The following UNC13C variants were observed in gnomAD, a reference collection of about 807,000 sequenced individuals.
UNC13C encodes protein unc-13 homolog C.
In UNC13C, 174 loss-of-function variants were observed where a neutral mutation model predicts 245.4. The ratio of observed to expected loss-of-function variants is 0.71; its 90% confidence interval spans 0.63 to 0.80. UNC13C has a LOEUF of 0.80. Among genes scored for constraint, UNC13C ranks in the 30% least tolerant of loss-of-function variants. UNC13C has a pLI of 0.00. For missense variants in UNC13C, 2,829 were observed against 2,602.9 expected (o/e 1.09, Z -1.89); for synonymous variants, 992 against 895.1 (o/e 1.11, Z -1.93).
intron 26 of UNC13C, among the ~76,000 whole-genome samples, chr15:54,536,403 C>T (rs549206770): frequency 9.9e-5 from 15 of 151,590 alleles, no homozygotes; most frequent in African/African-American, 1.5e-4. Context: ...TTATGAGATG[C>T]GTAAAAAAGA....
chr15:54,276,778 G>C (rs1196133498), intron 10 of UNC13C, among the ~76,000 whole-genome samples: 1 of 151,826 alleles, frequency 6.6e-6, no homozygotes, highest in Non-Finnish European at 1.5e-5. Flanking sequence ...TTCCCCATTA[G>C]TCTTACGACA....
intron 19 of UNC13C, among the ~76,000 whole-genome samples, chr15:54,446,917 G>C (rs1890848084): frequency 6.6e-6 from 1 of 152,126 alleles, no homozygotes; most frequent in Non-Finnish European, 1.5e-5. Flanking sequence ...GTATGATATT[G>C]GCTGTGGGTT....
chr15:54,193,977 C>A (rs570740594), intron 4 of UNC13C, among the ~76,000 whole-genome samples: 11 of 152,070 alleles, frequency 7.2e-5, no homozygotes, highest in African/African-American at 1.9e-4. Flanking sequence ...ACTAGAGGAA[C>A]TGAAGGAAGG....
At chr15:54,440,613 A>C (rs1890469636) in intron 19 of UNC13C, among the ~76,000 whole-genome samples, 1 of 151,998 alleles carries the variant, frequency 6.6e-6, no homozygotes, top group Non-Finnish European at 1.5e-5. Flanking sequence ...TACTGGAAAA[A>C]AGATGGGGCT....
intron 2 of UNC13C, chr15:54,050,245 T>C: frequency 1.8e-6 from 1 of 541,204 alleles, no homozygotes; most frequent in Non-Finnish European, 3.7e-6. Context: ...GTTCTGGTAT[T>C]ACAGGCGTGA....
chr15:54,592,554 T>TCCC (rs1441437151), intron 30 of UNC13C, among the ~76,000 whole-genome samples: 1 of 152,172 alleles, frequency 6.6e-6, no homozygotes, highest in African/African-American at 2.4e-5. Flanking sequence ...ATACTGTCCC[T>TCCC]TTTTGTCTCT....
chr15:54,252,966 G>T (rs1243484063), intron 8 of UNC13C, among the ~76,000 whole-genome samples: 1 of 152,050 alleles, frequency 6.6e-6, no homozygotes, highest in Non-Finnish European at 1.5e-5. Context: ...CTTACTTCTG[G>T]TGAAAATATT....
the UNC13C span, among the ~76,000 whole-genome samples, chr15:53,899,203 G>A: frequency 2.6e-5 from 4 of 152,118 alleles, no homozygotes; most frequent in Admixed American, 2.6e-4. Context: ...ATCTGCCTAT[G>A]TCCACTGGAA....
At chr15:54,431,944 C>A (rs11630671) in intron 19 of UNC13C, among the ~76,000 whole-genome samples, 12,665 of 151,172 alleles carry the variant, frequency 0.084, 649 homozygotes, top group African/African-American at 0.14. Context: ...TTCTAATTAC[C>A]CTAATTTGAT....
intron 24 of UNC13C, among the ~76,000 whole-genome samples, chr15:54,517,219 T>C (rs538951652): frequency 6.6e-6 from 1 of 152,206 alleles, no homozygotes; most frequent in Non-Finnish European, 1.5e-5. Flanking sequence ...ACTGTTCTCA[T>C]ATTTTCAGGA....
Position 54,465,714 on chromosome 15 carries a change from A to G in UNC13C, c.4934-28894A>G, listed in dbSNP as rs181080196. ...GGTCAAAGTGTGGCATTTTAATATG[A>G]CAGATATTCGGCTAACAGGATTGGG... On this transcript the variant is annotated intron_variant, in intron 19 of 32. Transcript: ENST00000260323. 5.3e-5 allele frequency among the ~76,000 whole-genome samples: 8 copies of G among 152,154 alleles called. No individual in the cohort carries two copies. The East Asian group carries it at 1.5e-3, about 29-fold the overall frequency.
the UNC13C span, among the ~76,000 whole-genome samples, chr15:53,879,971 G>GTGTA: frequency 0.027 from 4,076 of 151,104 alleles, 184 homozygotes; most frequent in African/African-American, 0.093. Context: ...GTGTGTGTGT[G>GTGTA]TATATACATA....
the UNC13C span, among the ~76,000 whole-genome samples, chr15:53,879,361 C>T: frequency 6.6e-6 from 1 of 152,032 alleles, no homozygotes; most frequent in Admixed American, 6.6e-5. Flanking sequence ...TGGGTTCTTG[C>T]CATATTGCCC....
chr15:54,105,356 A>G (rs1900386851), intron 2 of UNC13C, among the ~76,000 whole-genome samples: 1 of 152,040 alleles, frequency 6.6e-6, no homozygotes, highest in Non-Finnish European at 1.5e-5. Flanking sequence ...TAGGCCCACA[A>G]TTCTTCCCAC....
At chr15:54,283,873 G>A (rs2037070458) in intron 10 of UNC13C, among the ~76,000 whole-genome samples, 1 of 152,154 alleles carries the variant, frequency 6.6e-6, no homozygotes, top group African/African-American at 2.4e-5. Context: ...ATTTGAACTA[G>A]ACAGGTCTTT....
intron 13 of UNC13C, among the ~76,000 whole-genome samples, chr15:54,318,926 G>T (rs2038079959): frequency 6.6e-6 from 1 of 151,818 alleles, no homozygotes; most frequent in African/African-American, 2.4e-5. Flanking sequence ...ATTTATGCTT[G>T]AAGTAACCAC....
At chr15:54,426,750 T>C (rs2040767639) in intron 19 of UNC13C, among the ~76,000 whole-genome samples, 1 of 151,780 alleles carries the variant, frequency 6.6e-6, no homozygotes, top group Non-Finnish European at 1.5e-5. Flanking sequence ...AAAATCTGTC[T>C]CCATTACTTA....
chr15:54,265,324 A>T (rs746227014), intron 9 of UNC13C, 31 bp from the exon 10 acceptor site: 31 of 1,401,296 alleles, frequency 2.2e-5, no homozygotes, highest in Non-Finnish European at 2.9e-5. Context: ...AGGACTCTGT[A>T]TGTTAAAATG....
chr15:54,006,901 T>A (rs1166511659), intron 1 of UNC13C, among the ~76,000 whole-genome samples: 3 of 152,200 alleles, frequency 2.0e-5, no homozygotes, highest in Non-Finnish European at 2.9e-5. Flanking sequence ...TGCTCAATGC[T>A]GTTTTGCACA....
Sources: allele counts gnomAD v4.1 joint callset (sites outside exome capture counted in the v4.1 genomes callset), GRCh38; gene constraint gnomAD v4.1.1; transcripts MANE v1.5; gene names NCBI Gene and HGNC (gene_info 2026-07-23, HGNC 2026-07-21).